Variants in PCDHGA9 observed in about 807,000 individuals in gnomAD.
PCDHGA9 encodes protocadherin gamma subfamily A, 9.
PCDHGA9 carries 37 observed loss-of-function variants against 62.5 expected under a neutral mutation model. The observed-to-expected ratio is 0.59, with a 90% CI of 0.46 to 0.78. The LOEUF (loss-of-function observed/expected upper bound fraction) is 0.78, where lower values mean the gene tolerates loss of function less well. PCDHGA9 is among the 30% of genes least tolerant of loss of function. PCDHGA9 has a pLI of 0.00. For synonymous variants in PCDHGA9, 459 were observed against 484.6 expected (o/e 0.95, Z 0.69); for missense variants, 1,138 against 1,166.2 (o/e 0.98, Z 0.35).
At chr5:141,478,926 G>A in intron 1 of PCDHGA9, 1 of 687,216 alleles carries the variant, frequency 1.5e-6, no homozygotes, top group Non-Finnish European at 2.3e-6. Flanking sequence ...CTAACCAGTG[G>A]CAGCTTCTAG....
At chr5:141,492,384 C>T (rs1001189412) in intron 1 of PCDHGA9, among the ~76,000 whole-genome samples, 1 of 152,230 alleles carries the variant, frequency 6.6e-6, no homozygotes, top group African/African-American at 2.4e-5. Context: ...AGGCCTGTTC[C>T]GGTCCACTCG....
At chr5:141,421,370 A>G (rs765775416) in intron 1 of PCDHGA9, 4 of 1,613,916 alleles carry the variant, frequency 2.5e-6, no homozygotes, top group African/African-American at 1.3e-5. Flanking sequence ...TTCGTGGGCA[A>G]TATCTCCAAG....
chr5:141,450,733 C>T (rs886761152), intron 1 of PCDHGA9, among the ~76,000 whole-genome samples: 24 of 152,198 alleles, frequency 1.6e-4, no homozygotes, highest in African/African-American at 5.3e-4. Context: ...GTGATCCGCC[C>T]GCCTTGGCCT....
chr5:141,449,075 T>C (rs1452456191), intron 1 of PCDHGA9, among the ~76,000 whole-genome samples: 3 of 152,240 alleles, frequency 2.0e-5, no homozygotes, highest in African/African-American at 7.2e-5. Context: ...AATAGCCCTG[T>C]ACCTACATCA....
chr5:141,461,988 T>A (rs771762127), intron 1 of PCDHGA9, among the ~76,000 whole-genome samples: 1 of 152,170 alleles, frequency 6.6e-6, no homozygotes, highest in Non-Finnish European at 1.5e-5. Flanking sequence ...CACGCCAGGC[T>A]AATTTTGTAT....
At chr5:141,423,669 T>C in intron 1 of PCDHGA9, 1 of 1,554,480 alleles carries the variant, frequency 6.4e-7, no homozygotes, top group Non-Finnish European at 8.7e-7. Flanking sequence ...AGGTGAGATT[T>C]ATTTCTCTGC....
At chr5:141,414,679 G>A in intron 1 of PCDHGA9, 1 of 1,613,960 alleles carries the variant, frequency 6.2e-7, no homozygotes. Flanking sequence ...CACCATCCAG[G>A]GGGTACCTCT....
At position 141,477,677 on chromosome 5, in the gene PCDHGA9, TC is replaced by T; in HGVS notation, c.2425-17128del. On this transcript the variant is annotated intron_variant, in intron 1 of 3. Transcript: ENST00000573521. This position sits in a 1 kb window ranked among gnomAD's most constrained non-coding sequence, Gnocchi z 4.9. ...AAATCGTGACAATGGCATAGTGTCA[TC>T]CTTAGTGCCCCTAGACTATGAGGAT... 1 of 1,614,174 alleles carries T rather than the reference TC, an allele frequency of 6.2e-7. No homozygotes were observed. The highest frequency in any genetic ancestry group is 8.5e-7 in the Non-Finnish European group (1 of 1,180,038).
chr5:141,431,020 G>A lies in PCDHGA9; in HGVS notation c.2424+25644G>A, dbSNP rs941765907. On this transcript the variant is annotated intron_variant, in intron 1 of 3. Transcript: ENST00000573521. This position sits in a 1 kb window ranked among gnomAD's most constrained non-coding sequence, Gnocchi z 4.8. ...CGCGCAGCGGCAGCTTGGTCACGGC[G>A]GGCAGGATAGACCGGGAGGAGCTCT... The A allele has an allele frequency of 9.9e-6, 16 of 1,614,050 alleles. No homozygotes were observed. Among genetic ancestry groups the A allele is most frequent in the East Asian group, 4.5e-5 (2 of 44,886 alleles).
Position 141,428,162 on chromosome 5 carries a change from G to A in PCDHGA9, c.2424+22786G>A, listed in dbSNP as rs75153946. The A allele has an allele frequency of 9.5e-4, 1,493 of 1,569,102 alleles. 9 individuals are homozygous for A. The African/African-American group carries it at 0.016, about 16-fold the overall frequency. On this transcript the variant is annotated intron_variant, in intron 1 of 3. Coordinates refer to ENST00000573521, the MANE Select transcript of PCDHGA9 (RefSeq NM_018921.3). ...GGCTGCACACGGGAACCTGCTGGTT[G>A]CTGTGCGTGACGGAGGACAGCCGCC...
At chr5:141,467,134 C>T (rs905270517) in intron 1 of PCDHGA9, among the ~76,000 whole-genome samples, 19 of 151,750 alleles carry the variant, frequency 1.3e-4, no homozygotes, top group African/African-American at 4.6e-4. Flanking sequence ...CTCACTGCAA[C>T]CTCTGCCTCC....
chr5:141,506,109 A>G (rs1027886504), intron 3 of PCDHGA9, among the ~76,000 whole-genome samples: 5 of 152,126 alleles, frequency 3.3e-5, no homozygotes, highest in Middle Eastern at 3.2e-3. Flanking sequence ...GTCCCTGAAG[A>G]GTCACTAGGG....
intron 1 of PCDHGA9, chr5:141,409,000 C>T (rs779251035): frequency 6.2e-7 from 1 of 1,613,950 alleles, no homozygotes; most frequent in South Asian, 1.1e-5. Context: ...AAGTGACAGC[C>T]ACTGACCAGG....
chr5:141,500,641 TA>T (rs1306300025), intron 2 of PCDHGA9, among the ~76,000 whole-genome samples: 4 of 152,346 alleles, frequency 2.6e-5, no homozygotes, highest in Middle Eastern at 3.4e-3. Flanking sequence ...ACTAGTTTTT[TA>T]AAAATAGCAA....
chr5:141,444,594 T>C (rs2098442338), intron 1 of PCDHGA9, among the ~76,000 whole-genome samples: 1 of 152,244 alleles, frequency 6.6e-6, no homozygotes, highest in South Asian at 2.1e-4. Flanking sequence ...ACTTACCTTA[T>C]TTAAAATTGA....
chr5:141,510,895 CTGT>C, intron 3 of PCDHGA9, 49 bp from the exon 4 acceptor site: 1 of 1,612,988 alleles, frequency 6.2e-7, no homozygotes, highest in Non-Finnish European at 8.5e-7. Flanking sequence ...AAGACAGTGA[CTGT>C]TGAGGACCCT....
At chr5:141,482,530 CAAA>C (rs3074545) in intron 1 of PCDHGA9, among the ~76,000 whole-genome samples, 29 of 76,552 alleles carry the variant, frequency 3.8e-4, no homozygotes, top group African/African-American at 9.1e-4. Context: ...GACAGACATG[CAAA>C]AAAAAAAAAA....
At chr5:141,421,316 G>A in intron 1 of PCDHGA9, 1 of 1,613,866 alleles carries the variant, frequency 6.2e-7, no homozygotes, top group Non-Finnish European at 8.5e-7. Flanking sequence ...TTCCGGGCCA[G>A]GCAGATCCGA....
intron 1 of PCDHGA9, chr5:141,415,755 T>TTTG: frequency 1.4e-6 from 2 of 1,387,632 alleles, no homozygotes; most frequent in Middle Eastern, 2.6e-4. Context: ...TTTTTTTTTT[T>TTTG]TTTTTTTTTT....
Sources: gnomAD v4.1 joint callset for allele counts (sites outside exome capture counted in the v4.1 genomes callset) on GRCh38, gnomAD v4.1.1 for gene constraint, Gnocchi (gnomAD v3.1) non-coding constraint, MANE v1.5 for transcripts, NCBI Gene and HGNC (gene_info 2026-07-23, HGNC 2026-07-21) for gene names.